Variants in CDC14B observed in about 807,000 individuals in gnomAD.
CDC14B encodes cell division cycle 14B, also known as dual specificity protein phosphatase CDC14B.
In CDC14B, 22 loss-of-function variants were observed where a neutral mutation model predicts 64.2. That is an observed-to-expected ratio of 0.34 (90% CI 0.24 to 0.49). The LOEUF (loss-of-function observed/expected upper bound fraction) is 0.49. CDC14B is among the 20% of genes least tolerant of loss of function. CDC14B has a pLI of 0.99. For missense variants in CDC14B, 498 were observed against 629.9 expected (o/e 0.79, Z 2.24); for synonymous variants, 191 against 215.8 (o/e 0.89, Z 1.01).
At chr9:96,493,732 G>C (rs1346722717) in intron 13 of CDC14B, among the ~76,000 whole-genome samples, 1 of 152,192 alleles carries the variant, frequency 6.6e-6, no homozygotes, top group African/African-American at 2.4e-5. Context: ...GGCTGAGGCA[G>C]GAGGATGGCT....
At chr9:96,495,901 C>T (rs1226447572), downstream of CDC14B, among the ~76,000 whole-genome samples, 1 of 152,200 alleles carries the variant, frequency 6.6e-6, no homozygotes, top group South Asian at 2.1e-4. Flanking sequence ...GTACAAACAG[C>T]ACACCTGGGG....
intron 1 of CDC14B, among the ~76,000 whole-genome samples, chr9:96,591,125 A>G (rs2118596921): frequency 1.3e-5 from 2 of 152,100 alleles, no homozygotes; most frequent in East Asian, 3.9e-4. Context: ...CCACTTGTCT[A>G]TTTCTGCTTA....
chr9:96,530,901 T>C (rs1331862415), intron 9 of CDC14B, among the ~76,000 whole-genome samples: 3 of 152,344 alleles, frequency 2.0e-5, no homozygotes, highest in Non-Finnish European at 4.4e-5. Context: ...AGACGCTTTT[T>C]GTGCAGAGAT....
intron 12 of CDC14B, among the ~76,000 whole-genome samples, chr9:96,514,003 G>C (rs550476304): frequency 3.9e-5 from 6 of 152,296 alleles, no homozygotes; most frequent in African/African-American, 1.4e-4. Context: ...GAAAGACATG[G>C]GGGTGCTACA....
chr9:96,541,978 C>A, intron 5 of CDC14B, 86 bp from the exon 6 acceptor site: 1 of 841,888 alleles, frequency 1.2e-6, no homozygotes, highest in South Asian at 1.8e-5. Flanking sequence ...AATTTAAAAT[C>A]AAATGTACAC....
In CDC14B at chr9:96,502,851, G is replaced by A. The variant is rs7048158; in HGVS notation, c.*902C>T. On this transcript the variant is annotated 3_prime_UTR_variant, in exon 14 of 14. Coordinates refer to ENST00000375241, the MANE Select transcript of CDC14B (RefSeq NM_033331.4). ...TACAGGGAAGGACTCTAAAAAAGTG[G>A]TAACTTTTTTTTTTTGTAAGCCGAC... is the stretch of plus-strand genomic sequence containing the variant. The A allele has an allele frequency of 0.023, 8,877 of 392,704 alleles. 698 individuals carry two copies. Among genetic ancestry groups the A allele is most frequent in the African/African-American group, 0.17 (7,974 of 46,212 alleles). 24.3% of individuals were successfully genotyped at this position (392,704 alleles called of 1,614,324 possible).
chr9:96,567,038 G>A, intron 1 of CDC14B: 5 of 1,260,488 alleles, frequency 4.0e-6, no homozygotes, highest in Non-Finnish European at 5.3e-6. Flanking sequence ...CGAGGCCGTG[G>A]GGACGGACAG....
chr9:96,521,904 T>A (rs1237132390), intron 12 of CDC14B, among the ~76,000 whole-genome samples: 2 of 152,224 alleles, frequency 1.3e-5, no homozygotes, highest in Non-Finnish European at 2.9e-5. Context: ...TTTCTAACAA[T>A]CTTGGATGCT....
At chr9:96,522,287 G>A (rs554658292) in intron 12 of CDC14B, among the ~76,000 whole-genome samples, 3 of 152,266 alleles carry the variant, frequency 2.0e-5, no homozygotes, top group South Asian at 2.1e-4. Context: ...CCCTGATGTC[G>A]CCTTCCCACC....
At chr9:96,594,161 GA>G (rs1486740570) in intron 1 of CDC14B, among the ~76,000 whole-genome samples, 2 of 150,616 alleles carry the variant, frequency 1.3e-5, no homozygotes, top group Non-Finnish European at 2.9e-5. Flanking sequence ...TGAGACACAG[GA>G]AACAAAAAGG....
chr9:96,564,911 CT>C, intron 2 of CDC14B, 59 bp from the exon 3 acceptor site: 13 of 1,112,562 alleles, frequency 1.2e-5, no homozygotes, highest in African/African-American at 3.2e-5. Flanking sequence ...ATATAAATGC[CT>C]TTTTTGGGTC....
At chr9:96,594,361 G>A (rs73656909) in intron 1 of CDC14B, among the ~76,000 whole-genome samples, 3 of 152,032 alleles carry the variant, frequency 2.0e-5, no homozygotes, top group African/African-American at 7.3e-5. Context: ...ATTTGCAAAG[G>A]GTCCAAAGTA....
chr9:96,539,486 G>T (rs1839746112), intron 6 of CDC14B, among the ~76,000 whole-genome samples: 1 of 152,032 alleles, frequency 6.6e-6, no homozygotes, highest in Non-Finnish European at 1.5e-5. Context: ...ACCACCCCTG[G>T]CTGAAAATTC....
chr9:96,514,877 A>G, intron 12 of CDC14B: 1 of 985,390 alleles, frequency 1.0e-6, no homozygotes, highest in Non-Finnish European at 1.2e-6. Context: ...TAAGGTCTTC[A>G]TTTCAAAGAT....
chr9:96,591,708 C>T (rs141880062), intron 1 of CDC14B, among the ~76,000 whole-genome samples: 204 of 152,198 alleles, frequency 1.3e-3, no homozygotes, highest in Middle Eastern at 0.01. Context: ...TCTTCCGATT[C>T]ACAAGCAACA....
chr9:96,580,483 G>A (rs1056846418), intron 1 of CDC14B, among the ~76,000 whole-genome samples: 2 of 152,096 alleles, frequency 1.3e-5, no homozygotes, highest in Non-Finnish European at 1.5e-5. Context: ...TGCCCACCTC[G>A]GCCTCTGAAA....
In CDC14B at chr9:96,551,854, T is replaced by C; in HGVS notation, c.439A>G (p.Thr147Ala). 6.2e-7 allele frequency: 1 copy of C among 1,608,954 alleles called. No homozygotes were observed. The highest frequency in any genetic ancestry group is 8.5e-7 in the Non-Finnish European group (1 of 1,177,732). Residue 147 changes from threonine to alanine, a missense_variant, in exon 5 of 14, where the codon ACC becomes GCC. Thr to Ala is a moderately conservative substitution (Grantham distance 58). Coordinates refer to ENST00000375241, the MANE Select transcript of CDC14B (RefSeq NM_033331.4). ...AATATTCTATATGCTTCTTCTGGGG[T>C]TCTCCCCAAATATATAACCTATGTT... is the stretch of plus-strand genomic sequence containing the variant. ...GCYMVIYLGR[T>A]PEEAYRILIF...
At chr9:96,615,410 A>G (rs557888395) in intron 1 of CDC14B, among the ~76,000 whole-genome samples, 1 of 152,350 alleles carries the variant, frequency 6.6e-6, no homozygotes, top group South Asian at 2.1e-4. Flanking sequence ...TAAGCATCCT[A>G]TATTAAATAC....
Position 96,619,068 on chromosome 9 carries a change from G to T in CDC14B, c.160+151C>A, listed in dbSNP as rs140114401. 2,716 of 492,932 alleles carry T rather than the reference G, an allele frequency of 5.5e-3. 150 individuals carry two copies. The Admixed American group carries it at 0.098, about 18-fold the overall frequency. 30.5% of individuals were successfully genotyped at this position (492,932 alleles called of 1,614,324 possible). On this transcript the variant is annotated intron_variant, in intron 1 of 13. Coordinates refer to ENST00000375241, the MANE Select transcript of CDC14B (RefSeq NM_033331.4). ...CTCCTCAGGAGCCAGGCTCCTAAAG[G>T]GGGTGTGGCGGCCGGGGCGTTTAAG...
Sources: allele counts gnomAD v4.1 joint callset (sites outside exome capture counted in the v4.1 genomes callset), GRCh38; gene constraint gnomAD v4.1.1; transcripts MANE v1.5; gene names NCBI Gene and HGNC (gene_info 2026-07-23, HGNC 2026-07-21).